The following AACS variants were observed in gnomAD, a reference collection of about 807,000 sequenced individuals.
AACS encodes acetoacetate-CoA ligase.
A neutral mutation model predicts 83.1 loss-of-function variants in AACS; 69 were observed. The observed-to-expected ratio is 0.83, with a 90% CI of 0.68 to 1.01. The LOEUF (loss-of-function observed/expected upper bound fraction) is 1.01, where lower values mean the gene tolerates loss of function less well. Ranked by LOEUF, AACS falls within the 50% of genes least tolerant of loss-of-function variation. AACS has a pLI of 0.00. For synonymous variants in AACS, 333 were observed against 343.4 expected (o/e 0.97, Z 0.33); for missense variants, 866 against 882.2 (o/e 0.98, Z 0.23).
intron 4 of AACS, 106 bp downstream of exon 4, chr12:125,086,549 A>C: frequency 9.9e-7 from 1 of 1,008,246 alleles, no homozygotes; most frequent in South Asian, 1.4e-5. Flanking sequence ...ATGTCATATT[A>C]CATGGAACCT....
chr12:125,103,427 C>T (rs1956758725), intron 7 of AACS, among the ~76,000 whole-genome samples: 1 of 149,258 alleles, frequency 6.7e-6, no homozygotes, highest in Non-Finnish European at 1.5e-5. Context: ...GCACATGGTG[C>T]ATGCACTGCA....
intron 3 of AACS, among the ~76,000 whole-genome samples, chr12:125,080,215 T>G (rs986598010): frequency 3.3e-5 from 5 of 152,176 alleles, no homozygotes; most frequent in Non-Finnish European, 5.9e-5. Flanking sequence ...ACGCTGCGTC[T>G]CTTTTCTTTT....
intron 10 of AACS, among the ~76,000 whole-genome samples, chr12:125,119,258 A>G (rs1048123584): frequency 1.2e-4 from 18 of 152,330 alleles, no homozygotes; most frequent in African/African-American, 4.1e-4. Context: ...CACTTATTGC[A>G]TAGTACGGCG....
intron 17 of AACS, chr12:125,138,132 CG>C (rs1479689950): frequency 6.6e-6 from 1 of 152,422 alleles, no homozygotes; most frequent in African/African-American, 2.4e-5. Flanking sequence ...GACTCCTACT[CG>C]GGACCCTGTT....
chr12:125,091,518 G>A lies in AACS; in HGVS notation c.565G>A (p.Val189Met), dbSNP rs1956485760. 2 of 1,614,234 alleles carry A rather than the reference G, an allele frequency of 1.2e-6. No homozygotes were observed. The highest frequency in any genetic ancestry group is 1.3e-5 in the African/African-American group (1 of 75,062). ...IWSSTSPDFG[V>M]NGVLDRFSQI... ...GAGCTCCACGTCCCCGGACTTCGGT[G>A]TGAATGTGAGTCAGGGTCTGTGACA... The change falls in exon 5 of 18, where the codon GTG (valine) becomes ATG (methionine). Residue 189 changes from valine (V) to methionine (M), a missense_variant. Transcript: ENST00000316519.
At chr12:125,091,632 CG>C (rs910936922) in intron 5 of AACS, 109 bp downstream of exon 5, 75 of 1,140,984 alleles carry the variant, frequency 6.6e-5, no homozygotes, top group Non-Finnish European at 9.3e-5. Context: ...GTGAGCCCAG[CG>C]GGAGGAGGTG....
intron 4 of AACS, among the ~76,000 whole-genome samples, chr12:125,089,789 A>G (rs2136071964): frequency 6.6e-6 from 1 of 150,884 alleles, no homozygotes; most frequent in African/African-American, 2.4e-5. Flanking sequence ...TCTATCCTCC[A>G]CCCATCATCT....
chr12:125,115,333 T>C (rs1161582096), intron 9 of AACS, among the ~76,000 whole-genome samples: 3 of 150,988 alleles, frequency 2.0e-5, no homozygotes, highest in Non-Finnish European at 4.4e-5. Context: ...GGATCTTGGC[T>C]CACTGCAACC....
At chr12:125,105,595 A>T (rs1429750209) in intron 7 of AACS, 1 of 152,214 alleles carries the variant, frequency 6.6e-6, no homozygotes, top group Non-Finnish European at 1.5e-5. Context: ...AGTTGATATA[A>T]AATGAGGGCA....
intron 5 of AACS, among the ~76,000 whole-genome samples, chr12:125,093,624 C>A (rs1006899817): frequency 1.3e-5 from 2 of 152,224 alleles, no homozygotes; most frequent in African/African-American, 4.8e-5. Context: ...AGCTGCTGGG[C>A]GCACTAGATG....
At chr12:125,139,760 GTTCTTGTGTATGTGCACATCT>G (rs1957453224) in intron 17 of AACS, 1 of 152,318 alleles carries the variant, frequency 6.6e-6, no homozygotes, top group Admixed American at 6.5e-5. Flanking sequence ...CTGAGGGTGA[GTTCTTGTGTATGTGCACATCT>G]TTCTGGTGGA....
chr12:125,114,895 C>G (rs1025561003), intron 9 of AACS, among the ~76,000 whole-genome samples: 1 of 151,718 alleles, frequency 6.6e-6, no homozygotes, highest in African/African-American at 2.4e-5. Context: ...ATGGTAAGGG[C>G]TTCCCCGGGC....
At chr12:125,132,549 A>G (rs748004691) in intron 14 of AACS, among the ~76,000 whole-genome samples, 3 of 152,006 alleles carry the variant, frequency 2.0e-5, no homozygotes, top group Admixed American at 1.3e-4. Context: ...TGCAGAAGCT[A>G]GGCACATCCA....
intron 3 of AACS, among the ~76,000 whole-genome samples, chr12:125,077,058 C>G (rs1956042118): frequency 6.6e-6 from 1 of 150,404 alleles, no homozygotes; most frequent in Admixed American, 6.7e-5. Flanking sequence ...TAGGCACACA[C>G]CACTATGCAT....
At chr12:125,102,437 T>C (rs1043085963) in intron 5 of AACS, 10 of 419,150 alleles carry the variant, frequency 2.4e-5, no homozygotes, top group Non-Finnish European at 3.6e-5. Flanking sequence ...TCCCGTGAAA[T>C]GCAGTGGTCC....
chr12:125,080,843 C>T (rs530446733), intron 3 of AACS, among the ~76,000 whole-genome samples: 3 of 152,010 alleles, frequency 2.0e-5, no homozygotes, highest in South Asian at 2.1e-4. Context: ...AGGCGCCCGC[C>T]ACCACGCCTG....
intron 3 of AACS, among the ~76,000 whole-genome samples, chr12:125,080,216 CTT>C (rs1180439282): frequency 1.3e-5 from 2 of 152,162 alleles, no homozygotes; most frequent in Admixed American, 6.6e-5. Context: ...CGCTGCGTCT[CTT>C]TTCTTTTCCT....
At chr12:125,114,106 G>T (rs1158763141) in intron 8 of AACS, among the ~76,000 whole-genome samples, 3 of 150,266 alleles carry the variant, frequency 2.0e-5, no homozygotes, top group South Asian at 2.1e-4. Flanking sequence ...TCCTGGAAGG[G>T]TTAGGCCCTG....
intron 3 of AACS, among the ~76,000 whole-genome samples, chr12:125,077,844 G>C (rs956680877): frequency 2.0e-5 from 3 of 152,046 alleles, no homozygotes; most frequent in Admixed American, 6.5e-5. Context: ...AAGTAGCTGG[G>C]ATTACAGGCG....
Sources: gnomAD v4.1 joint callset for allele counts (sites outside exome capture counted in the v4.1 genomes callset) on GRCh38, gnomAD v4.1.1 for gene constraint, MANE v1.5 for transcripts, NCBI Gene and HGNC (gene_info 2026-07-23, HGNC 2026-07-21) for gene names.